ABLIM2: variants seen among roughly 807,000 people sequenced by gnomAD.
The protein encoded by ABLIM2 is actin-binding LIM protein 2.
ABLIM2 carries 53 observed loss-of-function variants against 97.7 expected under a neutral mutation model. That is an observed-to-expected ratio of 0.54 (90% CI 0.44 to 0.68). The LOEUF is 0.68. Among genes scored for constraint, ABLIM2 ranks in the 30% least tolerant of loss-of-function variants. The probability of loss-of-function intolerance (pLI) is 0.00; values close to 1 mark genes in which losing one functional copy is unlikely to be tolerated. For synonymous variants in ABLIM2, 361 were observed against 345.8 expected, an observed-to-expected ratio of 1.04 and a Z score of -0.49; for missense variants, 835 against 867.2, an observed-to-expected ratio of 0.96 and a Z score of 0.47.
chr4:8,100,521 C>G (rs1031384441), intron 2 of ABLIM2, among the ~76,000 whole-genome samples: 1 of 151,970 alleles, frequency 6.6e-6, no homozygotes. Flanking sequence ...CTGAGGGGGG[C>G]GGATCACCTG....
At chr4:8,145,382 C>T (rs951289884) in intron 1 of ABLIM2, among the ~76,000 whole-genome samples, 2 of 152,020 alleles carry the variant, frequency 1.3e-5, no homozygotes, top group East Asian at 1.9e-4. Flanking sequence ...CGGGGTTTCT[C>T]CATGTTGGCC....
At chr4:8,104,230 C>T (rs1195515735) in intron 2 of ABLIM2, among the ~76,000 whole-genome samples, 2 of 152,244 alleles carry the variant, frequency 1.3e-5, no homozygotes, top group Non-Finnish European at 2.9e-5. Context: ...GCCACACTCA[C>T]ACCCACAGCT....
chr4:8,014,194 G>A (rs1217127838), intron 14 of ABLIM2, among the ~76,000 whole-genome samples: 1 of 152,242 alleles, frequency 6.6e-6, no homozygotes, highest in East Asian at 1.9e-4. Flanking sequence ...CGGCACCCCG[G>A]CAGGTGCTCT....
chr4:8,099,067 G>A (rs1171653996), intron 2 of ABLIM2, among the ~76,000 whole-genome samples: 2 of 152,248 alleles, frequency 1.3e-5, no homozygotes, highest in African/African-American at 2.4e-5. Context: ...CTCCAGACAG[G>A]TGGGCCTCAG....
Position 7,966,299 on chromosome 4 carries a change from C to A in ABLIM2, c.*691G>T, listed in dbSNP as rs1360899945. 3 of 152,578 alleles carry A rather than the reference C, an allele frequency of 2.0e-5. No homozygotes were observed. The highest frequency in any genetic ancestry group is 4.4e-5 in the Non-Finnish European group (3 of 68,046). 9.5% of individuals were successfully genotyped at this position (152,578 alleles called of 1,614,324 possible). A position where few individuals can be genotyped will look rare whatever the true frequency, so the allele number is the denominator to read the frequency against. ...TCATCTCGCGTTTAAGTAGGCTATA[C>A]TTTTTAATAAAATAAAAACTTCTGT... On this transcript the variant is annotated 3_prime_UTR_variant, in exon 21 of 21. Coordinates refer to ENST00000447017, the MANE Select transcript of ABLIM2 (RefSeq NM_001130083.2).
chr4:8,109,491 G>A lies in ABLIM2; in HGVS notation c.11-2854C>T, dbSNP rs115323999. The stretch of plus-strand genomic sequence containing the variant: ...TCGAGTGACTGCATCTCAGACAGAG[G>A]AGGCCATTTCCCCATCCAGTTCCAA... On this transcript the variant is annotated intron_variant, in intron 1 of 20. Transcript: ENST00000447017. Among the ~76,000 whole-genome samples, 1,028 of 152,326 alleles carry A rather than the reference G, an allele frequency of 6.7e-3. 8 individuals carry two copies. The highest frequency in any genetic ancestry group is 0.024 in the African/African-American group (989 of 41,574).
At chr4:7,978,958 G>A (rs1577749426) in intron 20 of ABLIM2, among the ~76,000 whole-genome samples, 1 of 152,168 alleles carries the variant, frequency 6.6e-6, no homozygotes, top group Admixed American at 6.5e-5. Context: ...GAGGCGGGCC[G>A]TACTGGATTT....
At position 7,996,680 on chromosome 4, in the gene ABLIM2, T is replaced by A. The variant is rs572785488; in HGVS notation, c.1619-3753A>T. Among the ~76,000 whole-genome samples the A allele has an allele frequency of 2.9e-4, 44 of 152,348 alleles. No individual in the cohort carries two copies. The highest frequency in any genetic ancestry group is 3.1e-4 in the Non-Finnish European group (21 of 68,028). ...CGACGTTCTTCTTTCCTTTCTGAAG[T>A]TCCAAGCCTTCTTCTATTATCATTT... On this transcript the variant is annotated intron_variant, in intron 16 of 20. Transcript: ENST00000447017. This position sits in a 1 kb window ranked among gnomAD's most constrained non-coding sequence, Gnocchi z 4.5.
chr4:7,980,938 C>CTTTTTTTTTTTTTTTTTTT (rs1255215577), intron 20 of ABLIM2, among the ~76,000 whole-genome samples: 83 of 38,388 alleles, frequency 2.2e-3, no homozygotes, highest in Middle Eastern at 0.015. Context: ...TCCACAACCC[C>CTTTTTTTTTTTTTTTTTTT]TTATTTTTTT....
intron 4 of ABLIM2, among the ~76,000 whole-genome samples, chr4:8,081,151 GC>G (rs2152447295): frequency 6.6e-6 from 1 of 151,968 alleles, no homozygotes; most frequent in East Asian, 1.9e-4. Flanking sequence ...GACTCGATGT[GC>G]CCCCCAAAGG....
rs1387951653 is a variant in ABLIM2 at position 8,001,425 on chromosome 4, C to T, written c.1618+6634G>A. On this transcript the variant is annotated intron_variant, in intron 16 of 20. Transcript: ENST00000447017. This position sits in a 1 kb window ranked among gnomAD's most constrained non-coding sequence, Gnocchi z 4.2. ...GCTGAAGGCTAGTCCCCAGGCAACCCAACGGCAGCGGCTGCTCCCTGGGGC... is the reference window on the plus strand; with the variant it reads ...GCTGAAGGCTAGTCCCCAGGCAACCTAACGGCAGCGGCTGCTCCCTGGGGC... Among the ~76,000 whole-genome samples the T allele has an allele frequency of 1.3e-5, 2 of 152,160 alleles. No individual in the cohort carries two copies. The highest frequency in any genetic ancestry group is 6.5e-5 in the Admixed American group (1 of 15,282).
intron 8 of ABLIM2, among the ~76,000 whole-genome samples, chr4:8,051,940 C>G (rs150980993): frequency 1.3e-5 from 2 of 152,192 alleles, no homozygotes; most frequent in African/African-American, 4.8e-5. Flanking sequence ...ACCTCGAGCC[C>G]GTGTATATAC....
Position 8,058,398 on chromosome 4 carries a change from G to C in ABLIM2, c.763+2569C>G, listed in dbSNP as rs1023315147. On this transcript the variant is annotated intron_variant, in intron 7 of 20. Coordinates refer to ENST00000447017, the MANE Select transcript of ABLIM2 (RefSeq NM_001130083.2). The surrounding 1 kb of genome is among the most constrained non-coding windows in gnomAD (Gnocchi z 4.2). ...AGGCCTGTGTGATCCACGGCCCTGT[G>C]ACAATGGCCGCATGAGGTCATTCAA... Among the ~76,000 whole-genome samples the C allele has an allele frequency of 1.3e-5, 2 of 152,214 alleles. No homozygotes were observed. Among genetic ancestry groups the C allele is most frequent in the Admixed American group, 6.5e-5 (1 of 15,286 alleles).
intron 1 of ABLIM2, among the ~76,000 whole-genome samples, chr4:8,111,569 G>A (rs918936057): frequency 1.3e-5 from 2 of 152,214 alleles, no homozygotes; most frequent in East Asian, 1.9e-4. Flanking sequence ...GGAGCACATC[G>A]GAACTCTCTG....
At chr4:7,978,192 C>G (rs1018866009) in intron 20 of ABLIM2, among the ~76,000 whole-genome samples, 5 of 152,164 alleles carry the variant, frequency 3.3e-5, no homozygotes, top group Non-Finnish European at 7.3e-5. Flanking sequence ...CTCTGGCTCA[C>G]GTCCCACTCT....
chr4:8,156,934 C>A (rs1715564309), intron 1 of ABLIM2, among the ~76,000 whole-genome samples: 1 of 152,216 alleles, frequency 6.6e-6, no homozygotes, highest in Non-Finnish European at 1.5e-5. Context: ...CCGGAGAGCA[C>A]ACATTGCCAG....
At chr4:8,151,874 G>A in intron 1 of ABLIM2, among the ~76,000 whole-genome samples, 1 of 151,632 alleles carries the variant, frequency 6.6e-6, no homozygotes, top group East Asian at 1.9e-4. Context: ...GGGGGAGTCG[G>A]AGCAGAGGGT....
At chr4:8,074,089 CAAAAAAAAA>C (rs869080154) in intron 6 of ABLIM2, among the ~76,000 whole-genome samples, 148 of 45,736 alleles carry the variant, frequency 3.2e-3, no homozygotes, top group African/African-American at 0.013. Context: ...CTCTGTCTCA[CAAAAAAAAA>C]AAAAAAAAAA....
intron 1 of ABLIM2, among the ~76,000 whole-genome samples, chr4:8,157,704 G>A (rs1323584906): frequency 1.3e-5 from 2 of 152,246 alleles, no homozygotes; most frequent in Admixed American, 1.3e-4. Context: ...CATGGCCAAG[G>A]GCCATACTGC....
Sources: allele counts gnomAD v4.1 joint callset (sites outside exome capture counted in the v4.1 genomes callset), GRCh38; gene constraint gnomAD v4.1.1; non-coding constraint Gnocchi (gnomAD v3.1); transcripts MANE v1.5; gene names NCBI Gene and HGNC (gene_info 2026-07-23, HGNC 2026-07-21).